Variants in AP3D1 observed in about 807,000 individuals in gnomAD.
AP3D1 encodes the protein adaptor related protein complex 3 subunit delta 1.
AP3D1 carries 51 observed loss-of-function variants against 147.6 expected under a neutral mutation model. The observed-to-expected ratio is 0.35, with a 90% confidence interval of 0.28 to 0.44. AP3D1 has a LOEUF of 0.44. Ranked by LOEUF, AP3D1 falls within the 20% of genes least tolerant of loss-of-function variation. The probability of loss-of-function intolerance (pLI) is 1.00; values close to 1 mark genes in which losing one functional copy is unlikely to be tolerated. For synonymous variants in AP3D1, 760 were observed against 663.0 expected (o/e 1.15, Z -2.25); for missense variants, 1,421 against 1,624.2 (o/e 0.87, Z 2.15).
intron 9 of AP3D1, among the ~76,000 whole-genome samples, chr19:2,125,160 A>T (rs1385236951): frequency 6.6e-6 from 1 of 152,244 alleles, no homozygotes; most frequent in Non-Finnish European, 1.5e-5. Flanking sequence ...TAATACAAAA[A>T]ATACAAATAT....
At chr19:2,163,245 TG>T (rs2019767096) in intron 1 of AP3D1, among the ~76,000 whole-genome samples, 1 of 152,086 alleles carries the variant, frequency 6.6e-6, no homozygotes, top group African/African-American at 2.4e-5. Flanking sequence ...AGCTAATTTT[TG>T]TATTTTTAAT....
At chr19:2,122,437 G>C (rs2018637457) in intron 11 of AP3D1, among the ~76,000 whole-genome samples, 1 of 152,376 alleles carries the variant, frequency 6.6e-6, no homozygotes, top group Non-Finnish European at 1.5e-5. Context: ...GCACTGAGCA[G>C]AGACAGACAC....
chr19:2,127,309 G>A (rs1480379546), intron 8 of AP3D1, 108 bp from the exon 9 acceptor site: 4 of 1,230,986 alleles, frequency 3.2e-6, no homozygotes. Context: ...CACGGCTCAG[G>A]GAGTGTGCCC....
intron 1 of AP3D1, among the ~76,000 whole-genome samples, chr19:2,159,072 C>G (rs1444501210): frequency 6.6e-6 from 1 of 152,108 alleles, no homozygotes; most frequent in Non-Finnish European, 1.5e-5. Context: ...CTCACTGCAA[C>G]CTCCGACTCC....
At chr19:2,132,784 G>A (rs368137109) in intron 4 of AP3D1, among the ~76,000 whole-genome samples, 8 of 152,198 alleles carry the variant, frequency 5.3e-5, no homozygotes, top group African/African-American at 1.7e-4. Context: ...TACAGCCCAT[G>A]GGAGACTCTG....
At position 2,151,314 on chromosome 19, in the gene AP3D1, C is replaced by T; in HGVS notation, c.21G>A (p.Lys7=). The part of the protein sequence containing the change: MALKMV[K]GSIDRMFDKN... Reference sequence around the variant, plus strand: ...TGTCGAACATGCGGTCGATGCTGCCCTTCACCATCTTGAGGGCCATCGCGG... The same window carrying T: ...TGTCGAACATGCGGTCGATGCTGCCTTTCACCATCTTGAGGGCCATCGCGG... The change falls in exon 1 of 32, where the codon AAG becomes AAA. Residue 7 remains lysine (K), a synonymous_variant. Transcript: ENST00000643116. 2 of 1,607,520 alleles carry T rather than the reference C, an allele frequency of 1.2e-6. No homozygotes were observed. The highest frequency in any genetic ancestry group is 1.7e-5 in the Admixed American group (1 of 59,706).
chr19:2,111,595 C>A, intron 25 of AP3D1, 84 bp downstream of exon 25: 1 of 1,465,028 alleles, frequency 6.8e-7, no homozygotes, highest in Non-Finnish European at 9.2e-7. Flanking sequence ...AGTTCTCTCC[C>A]GCATGGAGGC....
intron 31 of AP3D1, among the ~76,000 whole-genome samples, chr19:2,107,368 G>A (rs891858724): frequency 1.2e-4 from 19 of 152,180 alleles, no homozygotes; most frequent in African/African-American, 3.4e-4. Flanking sequence ...AAAGAAACAC[G>A]TGCAAACTGG....
Position 2,114,222 on chromosome 19 carries a change from G to A in AP3D1, c.2504C>T (p.Pro835Leu). The A allele has an allele frequency of 6.2e-7, 1 of 1,611,762 alleles. No individual in the cohort carries two copies. The highest frequency in any genetic ancestry group is 8.5e-7 in the Non-Finnish European group (1 of 1,179,266). Reference sequence around the variant, plus strand: ...TTTCTTGCTCTTCTTTTCTACCATGGGAACGTCCTTCTCAGGGGATTTTGA... The same window carrying A: ...TTTCTTGCTCTTCTTTTCTACCATGAGAACGTCCTTCTCAGGGGATTTTGA... ...ETSKSPEKDV[P>L]MVEKKSKKPK... The change falls in exon 22 of 32, where the codon CCC becomes CTC. Residue 835 changes from proline to leucine, a missense_variant. Around this residue, in one of 6 missense-constraint regions of AP3D1, gnomAD observed 791 missense variants for 761.4 expected, o/e 1.04. Transcript: ENST00000643116.
intron 22 of AP3D1, 26 bp from the exon 23 acceptor site, chr19:2,113,439 C>A (rs1053740575): frequency 5.0e-6 from 7 of 1,405,216 alleles, no homozygotes; most frequent in Non-Finnish European, 6.6e-6. Context: ...AGGCTGTCAG[C>A]AAACGCAGTG....
rs765452130 is a variant in AP3D1, at chr19:2,129,405, A to C, written c.645T>G (p.Pro215=). ...NVICELARRN[P]KNYLSLAPLF... ...GCGGGGCCAGGGACAGGTAGTTCTTAGGGTTGCGTCTGGCCAGCTCGCAGA... is the reference window on the plus strand; with the variant it reads ...GCGGGGCCAGGGACAGGTAGTTCTTCGGGTTGCGTCTGGCCAGCTCGCAGA... Residue 215 remains proline, a synonymous_variant, in exon 7 of 32, where the codon CCT becomes CCG. Coordinates refer to ENST00000643116, the MANE Select transcript of AP3D1 (RefSeq NM_001261826.3). 6.2e-7 allele frequency: 1 copy of C among 1,614,104 alleles called. No homozygotes were observed. Among genetic ancestry groups the C allele is most frequent in the Admixed American group, 1.7e-5 (1 of 60,010 alleles).
At chr19:2,105,363 G>A (rs2144991141) in intron 31 of AP3D1, among the ~76,000 whole-genome samples, 1 of 152,336 alleles carries the variant, frequency 6.6e-6, no homozygotes, top group South Asian at 2.1e-4. Context: ...GGGAATGAGG[G>A]CAAGGAACAC....
intron 31 of AP3D1, among the ~76,000 whole-genome samples, chr19:2,105,000 G>C (rs2018070519): frequency 6.6e-6 from 1 of 152,138 alleles, no homozygotes; most frequent in Admixed American, 6.6e-5. Context: ...GTAGCTGTTA[G>C]GAAAATGCTC....
chr19:2,110,885 G>C lies in AP3D1; in HGVS notation c.2997C>G (p.Ile999Met), dbSNP rs756850780. ...GGCTGTCCTCCTGCAGACTGCCCCG[G>C]ATGTCACAGGTCTGCAGGGCATGGC... ...ENSYVKMTCD[I>M]RGSLQEDSQV... The change falls in exon 27 of 32, where the codon ATC becomes ATG. Residue 999 changes from isoleucine to methionine, a missense_variant. Around this residue, in one of 6 missense-constraint regions of AP3D1, gnomAD observed 791 missense variants for 761.4 expected, o/e 1.04. Coordinates refer to ENST00000643116, the MANE Select transcript of AP3D1 (RefSeq NM_001261826.3). 6.2e-7 allele frequency: 1 copy of C among 1,613,014 alleles called. No individual in the cohort carries two copies. The highest frequency in any genetic ancestry group is 1.7e-5 in the Admixed American group (1 of 60,008).
At chr19:2,145,706 C>A (rs1160103616) in intron 1 of AP3D1, among the ~76,000 whole-genome samples, 1 of 152,044 alleles carries the variant, frequency 6.6e-6, no homozygotes, top group Non-Finnish European at 1.5e-5. Flanking sequence ...GCAGAACTCA[C>A]CCCCACCCAC....
rs1243934382 is a variant in AP3D1 at position 2,123,371 on chromosome 19, G to A, written c.942C>T (p.Asp314=). The A allele has an allele frequency of 3.7e-6, 6 of 1,614,002 alleles. No individual in the cohort carries two copies. The highest frequency in any genetic ancestry group is 2.2e-5 in the East Asian group (1 of 44,884). ...GGGATGACTCACAGTTCTGATCGGAGTCCTCGATCAATATCCTTAATTTCT... is the reference window on the plus strand; with the variant it reads ...GGGATGACTCACAGTTCTGATCGGAATCCTCGATCAATATCCTTAATTTCT... ...CVQKLRILIE[D]SDQNLKYLGL... Residue 314 remains aspartate, a synonymous_variant, in exon 11 of 32, where the codon GAC becomes GAT. Coordinates refer to ENST00000643116, the MANE Select transcript of AP3D1 (RefSeq NM_001261826.3).
chr19:2,112,105 ACAC>A, intron 24 of AP3D1: 2 of 511,160 alleles, frequency 3.9e-6, no homozygotes, highest in Non-Finnish European at 7.1e-6. Context: ...ACCAGTGAGG[ACAC>A]CACACTTGAC....
At position 2,137,080 on chromosome 19, in the gene AP3D1, G is replaced by A; in HGVS notation, c.285C>T (p.Tyr95=). Reference sequence around the variant, plus strand: ...CGTGAAAGCTCTGGGAAGCAGCGAGGTAGCCAATTCGCTGGGAGAGAACAG... The same window carrying A: ...CGTGAAAGCTCTGGGAAGCAGCGAGATAGCCAATTCGCTGGGAGAGAACAG... ...ASKFTFKRIG[Y]LAASQSFHEG... The change falls in exon 4 of 32, where the codon TAC becomes TAT. Residue 95 remains tyrosine (Y), a synonymous_variant. Coordinates refer to ENST00000643116, the MANE Select transcript of AP3D1 (RefSeq NM_001261826.3). 3.1e-6 allele frequency: 5 copies of A among 1,588,168 alleles called. No individual in the cohort carries two copies. Among genetic ancestry groups the A allele is most frequent in the Non-Finnish European group, 2.6e-6 (3 of 1,167,558 alleles).
At chr19:2,140,533 T>C (rs1028225747) in intron 1 of AP3D1, among the ~76,000 whole-genome samples, 9 of 151,566 alleles carry the variant, frequency 5.9e-5, no homozygotes, top group African/African-American at 2.2e-4. Context: ...TGGAGTGCAG[T>C]GGTGAGATCA....
Sources: gnomAD v4.1 joint callset for allele counts (sites outside exome capture counted in the v4.1 genomes callset) on GRCh38, gnomAD v4.1.1 for gene constraint, gnomAD v4.1.1 regional missense constraint, MANE v1.5 for transcripts, NCBI Gene and HGNC (gene_info 2026-07-23, HGNC 2026-07-21) for gene names.